KIF26B: variants seen among roughly 807,000 people sequenced by gnomAD.
The protein encoded by KIF26B is kinesin family member 26B, also known as kinesin-like protein KIF26B.
KIF26B carries 63 observed loss-of-function variants against 151.2 expected under a neutral mutation model. That is an observed-to-expected ratio of 0.42 (90% CI 0.34 to 0.51). The LOEUF is 0.51. Ranked by LOEUF, KIF26B falls within the 20% of genes least tolerant of loss-of-function variation. The probability of loss-of-function intolerance (pLI) is 0.07; values close to 1 mark genes in which losing one functional copy is unlikely to be tolerated. For missense variants in KIF26B, 2,813 were observed against 2,913.6 expected (o/e 0.97, Z 0.79); for synonymous variants, 1,357 against 1,262.1 (o/e 1.08, Z -1.59).
rs1328756469 is a variant in KIF26B, at chr1:245,540,620, G to C, written c.1167-147G>C. On this transcript the variant is annotated intron_variant, in intron 4 of 14. Transcript: ENST00000407071. This position sits in a 1 kb window ranked among gnomAD's most constrained non-coding sequence, Gnocchi z 4.6. ...TTAACTTCACTCTGTTATAGTAAGG[G>C]ACTGCTACAGAGGACACTGAGCAGG... The C allele has an allele frequency of 2.5e-6, 2 of 784,666 alleles. No homozygotes were observed. Among genetic ancestry groups the C allele is most frequent in the Non-Finnish European group, 4.7e-6 (2 of 429,780 alleles). 48.6% of individuals were successfully genotyped at this position (784,666 alleles called of 1,614,324 possible).
At chr1:245,595,028 T>C in intron 5 of KIF26B, among the ~76,000 whole-genome samples, 1 of 152,234 alleles carries the variant, frequency 6.6e-6, no homozygotes, top group South Asian at 2.1e-4. Context: ...TCCTGTGACT[T>C]TCCTGAATTT....
At position 245,698,210 on chromosome 1, in the gene KIF26B, C is replaced by A; in HGVS notation, c.5929C>A (p.Arg1977=). 1 of 1,613,938 alleles carries A rather than the reference C, an allele frequency of 6.2e-7. No individual in the cohort carries two copies. The highest frequency in any genetic ancestry group is 8.5e-7 in the Non-Finnish European group (1 of 1,179,854). ...TGVRWVDGPL[R]SSPRGLGEPF... ...CGTCCGCTGGGTGGATGGCCCCTTG[C>A]GGAGCAGCCCGAGGGGCCTTGGGGA... The change falls in exon 13 of 15, where the codon CGG becomes AGG. Residue 1977 remains arginine, a synonymous_variant. Coordinates refer to ENST00000407071, the MANE Select transcript of KIF26B (RefSeq NM_018012.4). The surrounding 1 kb of genome is among the most constrained non-coding windows in gnomAD (Gnocchi z 4.0).
chr1:245,498,783 C>T (rs1402897389), intron 4 of KIF26B, among the ~76,000 whole-genome samples: 1 of 152,176 alleles, frequency 6.6e-6, no homozygotes, highest in Non-Finnish European at 1.5e-5. Context: ...CTTCCAGGTA[C>T]AGAATCTGAG....
intron 5 of KIF26B, among the ~76,000 whole-genome samples, chr1:245,541,661 A>G (rs1661626061): frequency 6.6e-6 from 1 of 152,158 alleles, no homozygotes; most frequent in Non-Finnish European, 1.5e-5. Context: ...TGGCGGTTTA[A>G]TTTTTTATTT....
At chr1:245,663,143 G>A (rs540218153) in intron 10 of KIF26B, among the ~76,000 whole-genome samples, 1 of 151,982 alleles carries the variant, frequency 6.6e-6, no homozygotes, top group East Asian at 1.9e-4. Context: ...CTCTGCTTGG[G>A]TCCCCTGTCG....
intron 2 of KIF26B, among the ~76,000 whole-genome samples, chr1:245,350,392 A>T (rs1558398418): frequency 6.6e-6 from 1 of 151,872 alleles, no homozygotes; most frequent in African/African-American, 2.4e-5. Flanking sequence ...CCACCATGAA[A>T]CCCTTCGACC....
chr1:245,525,434 TTAAAGA>T (rs1661218013), intron 4 of KIF26B, among the ~76,000 whole-genome samples: 1 of 152,166 alleles, frequency 6.6e-6, no homozygotes, highest in South Asian at 2.1e-4. Flanking sequence ...GCACAGTTAT[TTAAAGA>T]TAAAGTGTTT....
intron 9 of KIF26B, among the ~76,000 whole-genome samples, chr1:245,631,461 C>T (rs1461949190): frequency 6.6e-6 from 1 of 152,036 alleles, no homozygotes; most frequent in African/African-American, 2.4e-5. Context: ...TCATTGCATC[C>T]CTAGGATAAA....
chr1:245,193,376 G>A (rs1228252995), intron 2 of KIF26B, among the ~76,000 whole-genome samples: 2 of 152,128 alleles, frequency 1.3e-5, no homozygotes, highest in South Asian at 4.1e-4. Context: ...AATGATTTAT[G>A]TTCCTTTGGT....
Position 245,688,403 on chromosome 1 carries a change from G to A in KIF26B, c.5420G>A (p.Arg1807His), listed in dbSNP as rs1338670471. The change falls in exon 12 of 15, where the codon CGC (arginine) becomes CAC (histidine). Residue 1807 changes from arginine (R) to histidine (H), a missense_variant. Transcript: ENST00000407071. ...SKLPLRAVSG[R>H]ISELLQGGAG... ...CTTCCCCTGCGGGCCGTCAGCGGGC[G>A]CATCTCGGAGCTGCTGCAGGGTGGC... 3 of 1,505,104 alleles carry A rather than the reference G, an allele frequency of 2.0e-6. No individual in the cohort carries two copies. Among genetic ancestry groups the A allele is most frequent in the South Asian group, 2.5e-5 (2 of 79,772 alleles). 93.2% of individuals were successfully genotyped at this position (1,505,104 alleles called of 1,614,324 possible).
intron 2 of KIF26B, among the ~76,000 whole-genome samples, chr1:245,311,787 GCC>G (rs1190275593): frequency 6.6e-6 from 1 of 151,976 alleles, no homozygotes; most frequent in Non-Finnish European, 1.5e-5. Flanking sequence ...ACAAAAATTA[GCC>G]TGGTGTGGCA....
At chr1:245,640,293 C>T (rs925271923) in intron 9 of KIF26B, among the ~76,000 whole-genome samples, 2 of 150,824 alleles carry the variant, frequency 1.3e-5, no homozygotes, top group African/African-American at 2.4e-5. Context: ...TTTATCTGAT[C>T]GAAGTATAGC....
At chr1:245,583,712 T>G (rs2043199300) in intron 5 of KIF26B, among the ~76,000 whole-genome samples, 2 of 152,194 alleles carry the variant, frequency 1.3e-5, no homozygotes, top group South Asian at 4.1e-4. Flanking sequence ...AGGGCAGGCC[T>G]GGGTTACATC....
chr1:245,673,577 G>A (rs2044321515), intron 10 of KIF26B, among the ~76,000 whole-genome samples: 2 of 152,166 alleles, frequency 1.3e-5, no homozygotes, highest in Non-Finnish European at 2.9e-5. Flanking sequence ...ATTTTTCAAA[G>A]CCCAGATTCT....
At chr1:245,157,818 G>T (rs1196807675) in intron 2 of KIF26B, among the ~76,000 whole-genome samples, 2 of 152,178 alleles carry the variant, frequency 1.3e-5, no homozygotes, top group Non-Finnish European at 2.9e-5. Context: ...AGCTTATTTC[G>T]CTCTTGCGTG....
intron 2 of KIF26B, among the ~76,000 whole-genome samples, chr1:245,232,779 A>G (rs1266613721): frequency 1.3e-5 from 2 of 152,104 alleles, no homozygotes; most frequent in Non-Finnish European, 2.9e-5. Flanking sequence ...CGAACTCCCG[A>G]CCTCAGGTGA....
intron 2 of KIF26B, among the ~76,000 whole-genome samples, chr1:245,250,979 G>C (rs2103565015): frequency 6.6e-6 from 1 of 152,280 alleles, no homozygotes; most frequent in East Asian, 1.9e-4. Context: ...AAGGCACAGA[G>C]GGTGGAGTCC....
chr1:245,291,271 G>A (rs927786419), intron 2 of KIF26B, among the ~76,000 whole-genome samples: 2 of 152,230 alleles, frequency 1.3e-5, no homozygotes, highest in African/African-American at 2.4e-5. Context: ...GCAGGGATAC[G>A]TGGAGGAGAG....
At chr1:245,539,013 A>C (rs564785529) in intron 4 of KIF26B, among the ~76,000 whole-genome samples, 14 of 152,258 alleles carry the variant, frequency 9.2e-5, no homozygotes, top group Admixed American at 3.9e-4. Flanking sequence ...GATGAAAAAA[A>C]AAGTATTCCT....
Sources: allele counts gnomAD v4.1 joint callset (sites outside exome capture counted in the v4.1 genomes callset), GRCh38; gene constraint gnomAD v4.1.1; non-coding constraint Gnocchi (gnomAD v3.1); transcripts MANE v1.5; gene names NCBI Gene and HGNC (gene_info 2026-07-23, HGNC 2026-07-21).